The following COG5 variants were observed in gnomAD, a reference collection of about 807,000 sequenced individuals.
The protein encoded by COG5 is component of oligomeric golgi complex 5.
Under a neutral mutation model 110.4 loss-of-function variants are expected in COG5, and 86 were observed. The observed-to-expected ratio is 0.78, with a 90% CI of 0.65 to 0.93. The LOEUF is 0.93. Ranked by LOEUF, COG5 falls within the 40% of genes least tolerant of loss-of-function variation. COG5 has a pLI of 0.00. For synonymous variants in COG5, 360 were observed against 334.6 expected (o/e 1.08, Z -0.83); for missense variants, 1,077 against 987.0 (o/e 1.09, Z -1.22).
At chr7:107,557,146 C>A (rs763036300) in intron 2 of COG5, among the ~76,000 whole-genome samples, 2 of 152,110 alleles carry the variant, frequency 1.3e-5, no homozygotes, top group African/African-American at 2.4e-5. Flanking sequence ...GTTAAAATAA[C>A]CTTAGAAGGC....
intron 16 of COG5, among the ~76,000 whole-genome samples, chr7:107,255,726 A>AG (rs1355816808): frequency 1.3e-5 from 2 of 152,122 alleles, no homozygotes; most frequent in African/African-American, 4.8e-5. Context: ...AAACTAAGGC[A>AG]AGAGAGAGCT....
chr7:107,298,398 T>A, intron 11 of COG5, 52 bp from the exon 12 acceptor site: 2 of 1,457,832 alleles, frequency 1.4e-6, no homozygotes, highest in Non-Finnish European at 1.9e-6. Flanking sequence ...ATGTAGTAAA[T>A]GTTTCTTTTG....
At chr7:107,443,068 C>A (rs1467178589) in intron 6 of COG5, among the ~76,000 whole-genome samples, 1 of 152,034 alleles carries the variant, frequency 6.6e-6, no homozygotes, top group East Asian at 1.9e-4. Flanking sequence ...TCAGAAAAGA[C>A]AATTCACAGA....
intron 19 of COG5, among the ~76,000 whole-genome samples, chr7:107,215,580 C>T (rs1057229402): frequency 4.8e-5 from 7 of 145,188 alleles, no homozygotes; most frequent in South Asian, 2.3e-4. Flanking sequence ...AGGAGAATGG[C>T]GTGAACCCGG....
intron 14 of COG5, 132 bp from the exon 15 acceptor site, chr7:107,258,515 C>A: frequency 2.9e-6 from 2 of 700,298 alleles, no homozygotes; most frequent in Admixed American, 2.0e-5. Context: ...GCCCCTCTGA[C>A]AAAGAGAATG....
chr7:107,358,015 C>T (rs751904384), intron 10 of COG5, among the ~76,000 whole-genome samples: 8 of 152,162 alleles, frequency 5.3e-5, no homozygotes, highest in Non-Finnish European at 1.0e-4. Context: ...AGTGTTCATT[C>T]ACCTTAATAA....
At chr7:107,258,564 T>G in intron 14 of COG5, 181 bp from the exon 15 acceptor site, 1 of 620,214 alleles carries the variant, frequency 1.6e-6, no homozygotes. Flanking sequence ...AGCTTTGGAC[T>G]TGAGGTAAAA....
rs568436810 is a variant in COG5, at chr7:107,393,873, C to G, written c.669+18629G>C. ...TATGAATTGTCACTGTAAGTTTCAA[C>G]AAATCAATCTTCTATGAAATTTCCT... On this transcript the variant is annotated intron_variant, in intron 7 of 21. Coordinates refer to ENST00000297135, the MANE Select transcript of COG5 (RefSeq NM_006348.5). 6.4e-4 allele frequency among the ~76,000 whole-genome samples: 98 copies of G among 152,212 alleles called. No homozygotes were observed. In the South Asian group the frequency reaches 0.02, roughly 30 times the overall value.
intron 11 of COG5, among the ~76,000 whole-genome samples, chr7:107,311,927 G>A (rs979334301): frequency 2.0e-5 from 3 of 151,270 alleles, no homozygotes; most frequent in African/African-American, 4.9e-5. Flanking sequence ...ATTTTCCCCC[G>A]ATTCCTAGCT....
rs559622498 is a variant in COG5 at position 107,510,968 on chromosome 7, C to T, written c.538+16269G>A. ...GAAAGATCCAAAATTGACACCCTAA[C>T]GTCACAATTAAAAGAACTAGAAAAG... On this transcript the variant is annotated intron_variant, in intron 6 of 21. Transcript: ENST00000297135. Among the ~76,000 whole-genome samples the T allele has an allele frequency of 9.6e-4, 146 of 152,110 alleles. 4 individuals are homozygous for T. The South Asian group carries it at 0.021, about 22-fold the overall frequency.
At chr7:107,508,268 A>T (rs1799189556) in intron 6 of COG5, among the ~76,000 whole-genome samples, 1 of 152,160 alleles carries the variant, frequency 6.6e-6, no homozygotes, top group African/African-American at 2.4e-5. Flanking sequence ...ATGCCCACAG[A>T]GTCTCGCTGA....
rs1803548355 is a variant in COG5 at position 107,558,915 on chromosome 7, A to C, written c.95-800T>G. On this transcript the variant is annotated intron_variant, in intron 1 of 21. Transcript: ENST00000297135. Reference sequence around the variant, plus strand: ...AAAAAAAAAAAAAAGACTTCATCTCAAAAAAAAAAAAAAAAAAAAACCATA... The same window carrying C: ...AAAAAAAAAAAAAAGACTTCATCTCCAAAAAAAAAAAAAAAAAAAACCATA... Among the ~76,000 whole-genome samples, 5 of 58,226 alleles carry C rather than the reference A, an allele frequency of 8.6e-5. No individual in the cohort carries two copies. The African/African-American group carries it at 1.2e-3, about 13-fold the overall frequency. The allele number at this position is 58,226 out of a possible 152,430, so 38.2% of individuals were successfully genotyped here. A position where few individuals can be genotyped will look rare whatever the true frequency, so the allele number is the denominator to read the frequency against.
At chr7:107,272,352 C>G (rs1804347003) in intron 14 of COG5, among the ~76,000 whole-genome samples, 1 of 152,306 alleles carries the variant, frequency 6.6e-6, no homozygotes, top group African/African-American at 2.4e-5. Context: ...TTTGAGTTGT[C>G]CCACCTTTCC....
At chr7:107,551,105 T>C (rs1003926686) in intron 3 of COG5, among the ~76,000 whole-genome samples, 1 of 152,036 alleles carries the variant, frequency 6.6e-6, no homozygotes, top group African/African-American at 2.4e-5. Flanking sequence ...TGTAGTGGCA[T>C]GATCTCGGCT....
chr7:107,473,945 C>T (rs899106631), intron 6 of COG5: 17 of 423,194 alleles, frequency 4.0e-5, no homozygotes, highest in Admixed American at 2.8e-4. Context: ...ACTAAGTACA[C>T]AATTGAAAGA....
intron 6 of COG5, among the ~76,000 whole-genome samples, chr7:107,434,254 T>C (rs1023381897): frequency 6.6e-6 from 1 of 152,160 alleles, no homozygotes; most frequent in African/African-American, 2.4e-5. Flanking sequence ...CGGAAAACCA[T>C]ATAGACCTTC....
chr7:107,554,794 T>C (rs1300415301), intron 2 of COG5, among the ~76,000 whole-genome samples: 2 of 152,146 alleles, frequency 1.3e-5, no homozygotes, highest in Non-Finnish European at 1.5e-5. Context: ...TATGATATGA[T>C]AGTATTAAGA....
intron 10 of COG5, among the ~76,000 whole-genome samples, chr7:107,346,275 C>A (rs1811590910): frequency 1.3e-5 from 2 of 152,088 alleles, no homozygotes; most frequent in Non-Finnish European, 2.9e-5. Context: ...AATATTTTAT[C>A]ATTTAAAACT....
intron 6 of COG5, among the ~76,000 whole-genome samples, chr7:107,464,259 T>C (rs1398021355): frequency 6.6e-6 from 1 of 152,212 alleles, no homozygotes; most frequent in Non-Finnish European, 1.5e-5. Context: ...CTGACATCTT[T>C]TATGTTAGCT....
Sources: gnomAD v4.1 joint callset for allele counts (sites outside exome capture counted in the v4.1 genomes callset) on GRCh38, gnomAD v4.1.1 for gene constraint, MANE v1.5 for transcripts, NCBI Gene and HGNC (gene_info 2026-07-23, HGNC 2026-07-21) for gene names.